The following MARCHF1 variants were observed in gnomAD, a reference collection of about 807,000 sequenced individuals.
MARCHF1 encodes the protein E3 ubiquitin-protein ligase MARCHF1.
In MARCHF1, 40 loss-of-function variants were observed where a neutral mutation model predicts 54.2. The observed-to-expected ratio is 0.74, with a 90% confidence interval of 0.57 to 0.96. MARCHF1 has a LOEUF of 0.96. Among genes scored for constraint, MARCHF1 ranks in the 40% least tolerant of loss-of-function variants. MARCHF1 has a pLI of 0.00. For synonymous variants in MARCHF1, 236 were observed against 236.3 expected (o/e 1.00, Z 0.01); for missense variants, 586 against 656.5 (o/e 0.89, Z 1.17).
intron 3 of MARCHF1, among the ~76,000 whole-genome samples, chr4:163,938,483 G>A (rs1008114192): frequency 1.8e-4 from 28 of 152,100 alleles, no homozygotes; most frequent in African/African-American, 5.3e-4. Flanking sequence ...TCATTGGTAA[G>A]GAAAAGTGCA....
intron 2 of MARCHF1, among the ~76,000 whole-genome samples, chr4:164,051,976 A>G (rs578063994): frequency 7.4e-4 from 112 of 152,308 alleles, no homozygotes; most frequent in African/African-American, 2.3e-3. Context: ...CTACAATGCT[A>G]CAAGATTTCA....
chr4:164,170,738 T>A (rs1730503494), intron 1 of MARCHF1, among the ~76,000 whole-genome samples: 1 of 152,130 alleles, frequency 6.6e-6, no homozygotes, highest in Non-Finnish European at 1.5e-5. Flanking sequence ...GAAGAAATTA[T>A]ACTTCAAATA....
At chr4:164,179,019 T>A (rs1442455785) in intron 1 of MARCHF1, among the ~76,000 whole-genome samples, 1 of 152,122 alleles carries the variant, frequency 6.6e-6, no homozygotes, top group Non-Finnish European at 1.5e-5. Context: ...GAACACCATG[T>A]GGCACGCAGA....
chr4:164,112,004 A>T (rs1755842655), intron 1 of MARCHF1, among the ~76,000 whole-genome samples: 1 of 151,906 alleles, frequency 6.6e-6, no homozygotes, highest in African/African-American at 2.4e-5. Context: ...AATGTAAGAC[A>T]CTCAGGAACC....
intron 5 of MARCHF1, among the ~76,000 whole-genome samples, chr4:163,699,548 A>G (rs1007967385): frequency 6.6e-6 from 1 of 152,200 alleles, no homozygotes; most frequent in Admixed American, 6.5e-5. Flanking sequence ...GAAAACAAAA[A>G]CGTCTCTAAA....
chr4:163,717,944 T>TCCA (rs1745318785), intron 4 of MARCHF1, among the ~76,000 whole-genome samples: 2 of 152,060 alleles, frequency 1.3e-5, no homozygotes, highest in Non-Finnish European at 2.9e-5. Context: ...GTACTGGTAC[T>TCCA]AAAACAGAGA....
rs115063632 is a variant in MARCHF1, at chr4:164,070,127, G to A, written c.-248+41461C>T. ...TGTGGACTACTAAAGTGGGGAGAAAGGGAGAAGGGTGTTGATTGAAAAACT... is the reference window on the plus strand; with the variant it reads ...TGTGGACTACTAAAGTGGGGAGAAAAGGAGAAGGGTGTTGATTGAAAAACT... On this transcript the variant is annotated intron_variant, in intron 2 of 9. Transcript: ENST00000514618. Among the ~76,000 whole-genome samples the A allele has an allele frequency of 8.3e-3, 1,264 of 152,248 alleles. 16 individuals are homozygous for A. The highest frequency in any genetic ancestry group is 0.029 in the African/African-American group (1,201 of 41,528).
At chr4:163,835,537 C>T in intron 4 of MARCHF1, among the ~76,000 whole-genome samples, 1 of 152,180 alleles carries the variant, frequency 6.6e-6, no homozygotes, top group East Asian at 1.9e-4. Context: ...AAGGCAAGCT[C>T]CAAACTATAA....
intron 8 of MARCHF1, among the ~76,000 whole-genome samples, chr4:163,576,159 T>G (rs556493283): frequency 6.6e-6 from 1 of 151,750 alleles, no homozygotes; most frequent in Admixed American, 6.6e-5. Flanking sequence ...CTTCCTAATT[T>G]TTTGATGTAG....
chr4:164,033,193 A>T (rs1753915731), intron 2 of MARCHF1, among the ~76,000 whole-genome samples: 1 of 151,830 alleles, frequency 6.6e-6, no homozygotes, highest in Non-Finnish European at 1.5e-5. Context: ...AAAAAAAAAG[A>T]AAAGGTGCTG....
chr4:163,689,561 A>T (rs186605177), intron 5 of MARCHF1, among the ~76,000 whole-genome samples: 50 of 152,362 alleles, frequency 3.3e-4, no homozygotes, highest in African/African-American at 1.1e-3. Flanking sequence ...TTTGAATTTA[A>T]ATAGTCACCT....
chr4:164,151,079 G>T (rs538157379), intron 1 of MARCHF1, among the ~76,000 whole-genome samples: 1 of 152,170 alleles, frequency 6.6e-6, no homozygotes, highest in Non-Finnish European at 1.5e-5. Flanking sequence ...ATTCTTCCTA[G>T]AGCCTCCAGA....
intron 1 of MARCHF1, among the ~76,000 whole-genome samples, chr4:164,125,630 C>T (rs1467491872): frequency 6.6e-6 from 1 of 152,138 alleles, no homozygotes; most frequent in Non-Finnish European, 1.5e-5. Flanking sequence ...ATGATAAGCT[C>T]ACATTTGCGT....
At chr4:163,786,118 G>T (rs4691933) in intron 4 of MARCHF1, among the ~76,000 whole-genome samples, 122,748 of 151,836 alleles carry the variant, frequency 0.81, 50,362 homozygotes, top group South Asian at 0.9. Flanking sequence ...TCAGTCCTTC[G>T]GACACCTTGA....
At chr4:163,904,801 G>GAC (rs5863636) in intron 3 of MARCHF1, among the ~76,000 whole-genome samples, 1 of 151,736 alleles carries the variant, frequency 6.6e-6, no homozygotes, top group African/African-American at 2.4e-5. Flanking sequence ...AAGAGAGAGA[G>GAC]AGAGAGACAG....
chr4:163,725,436 C>G (rs1418482990), intron 4 of MARCHF1, among the ~76,000 whole-genome samples: 1 of 150,830 alleles, frequency 6.6e-6, no homozygotes, highest in African/African-American at 2.5e-5. Context: ...CATGATTGTG[C>G]TACTGCACTC....
At position 163,814,185 on chromosome 4, in the gene MARCHF1, C is replaced by A. The variant is rs577254524; in HGVS notation, c.111+39836G>T. Among the ~76,000 whole-genome samples the A allele has an allele frequency of 9.2e-5, 14 of 152,294 alleles. No individual in the cohort carries two copies. In the South Asian group the frequency reaches 2.9e-3, roughly 32 times the overall value. ...CACAGCTGTAGATCATGCACTTGCC[C>A]TTTCGACCCTCACATTCTCACCACC... On this transcript the variant is annotated intron_variant, in intron 4 of 9. Coordinates refer to ENST00000514618, the MANE Select transcript of MARCHF1 (RefSeq NM_001394959.1).
chr4:164,178,034 G>A (rs1301701505), intron 1 of MARCHF1, among the ~76,000 whole-genome samples: 1 of 152,126 alleles, frequency 6.6e-6, no homozygotes, highest in Admixed American at 6.6e-5. Flanking sequence ...ATCTATAACA[G>A]AGTACTGATG....
At chr4:164,321,293 C>G (rs1706013731) in intron 1 of MARCHF1, among the ~76,000 whole-genome samples, 1 of 151,996 alleles carries the variant, frequency 6.6e-6, no homozygotes, top group African/African-American at 2.4e-5. Flanking sequence ...CAGCATTAAA[C>G]AAAGTAATTT....
Sources: gnomAD v4.1 joint callset for allele counts (sites outside exome capture counted in the v4.1 genomes callset) on GRCh38, gnomAD v4.1.1 for gene constraint, MANE v1.5 for transcripts, NCBI Gene and HGNC (gene_info 2026-07-23, HGNC 2026-07-21) for gene names.